The following VPS50 variants were observed in gnomAD, a reference collection of about 807,000 sequenced individuals.
VPS50 encodes syndetin.
VPS50 carries 70 observed loss-of-function variants against 139.7 expected under a neutral mutation model. The ratio of observed to expected loss-of-function variants is 0.50; its 90% CI spans 0.41 to 0.61. The LOEUF is 0.61. Ranked by LOEUF, VPS50 falls within the 20% of genes least tolerant of loss-of-function variation. The pLI is 0.00. For synonymous variants in VPS50, 365 were observed against 376.7 expected, an observed-to-expected ratio of 0.97 and a Z score of 0.36; for missense variants, 921 against 1,133.7, an observed-to-expected ratio of 0.81 and a Z score of 2.69.
At position 93,258,124 on chromosome 7, in the gene VPS50, AAAAACTTTT is replaced by A. The variant is rs1391046220; in HGVS notation, c.423-32_423-24del. 3.5e-6 allele frequency: 3 copies of A among 853,336 alleles called. No individual in the cohort carries two copies. In the African/African-American group the frequency reaches 5.2e-5, roughly 15 times the overall value. The allele number at this position is 853,336 out of a possible 1,614,324, so 52.9% of individuals were successfully genotyped here. A position where few individuals can be genotyped will look rare whatever the true frequency, so the allele number is the denominator to read the frequency against. On this transcript the variant is annotated intron_variant, in intron 6 of 27. Coordinates refer to ENST00000305866, the MANE Select transcript of VPS50 (RefSeq NM_017667.4). ...TGTGGATAGTATTCTTATTATAATA[AAAAACTTTT>A]AACTATTTATTGTTCACTTTTGCAG...
chr7:93,252,566 A>C, intron 2 of VPS50, 87 bp from the exon 3 acceptor site: 1 of 890,146 alleles, frequency 1.1e-6, no homozygotes, highest in Non-Finnish European at 1.8e-6. Context: ...GGTAGATGTG[A>C]CTGTTAAGAC....
rs979426799 is a variant in VPS50, at chr7:93,338,810, G to A, written c.2059-2617G>A. ...ATCAGTATTGTAGAAAAATCAATCA[G>A]TTAACTGTGTGGAAACTGGCATAGA... On this transcript the variant is annotated intron_variant, in intron 22 of 27. Transcript: ENST00000305866. 5.3e-5 allele frequency among the ~76,000 whole-genome samples: 8 copies of A among 152,186 alleles called. No homozygotes were observed. The East Asian group carries it at 1.5e-3, about 29-fold the overall frequency.
chr7:93,291,751 G>C lies in VPS50; in HGVS notation c.991G>C (p.Ala331Pro). 6.2e-7 allele frequency: 1 copy of C among 1,601,556 alleles called. No homozygotes were observed. Among genetic ancestry groups the C allele is most frequent in the Non-Finnish European group, 8.5e-7 (1 of 1,170,256 alleles). ...YIPCLADLCK[A>P]LWEVMLSYYR... is the part of the protein sequence containing the mutation. The stretch of plus-strand genomic sequence containing the variant: ...TCCATGCCTTGCAGACCTGTGCAAA[G>C]CACTATGGGAAGTTATGCTCAGCTA... The change falls in exon 13 of 28, where the codon GCA becomes CCA. Residue 331 changes from alanine (A) to proline (P), a missense_variant. Around this residue, in one of 3 missense-constraint regions of VPS50, gnomAD observed 744 missense variants for 930.6 expected, o/e 0.80. Transcript: ENST00000305866.
intron 1 of VPS50, among the ~76,000 whole-genome samples, chr7:93,233,069 A>G (rs1794685542): frequency 1.3e-5 from 2 of 152,212 alleles, no homozygotes; most frequent in Admixed American, 1.3e-4. Context: ...CTCTTTGTGA[A>G]ATTCTGCTTT....
In VPS50 at chr7:93,281,930, C is replaced by T. The variant is rs111991812; in HGVS notation, c.942+5625C>T. Among the ~76,000 whole-genome samples, 730 of 152,224 alleles carry T rather than the reference C, an allele frequency of 4.8e-3. 9 individuals carry two copies. The highest frequency in any genetic ancestry group is 0.017 in the African/African-American group (692 of 41,542). On this transcript the variant is annotated intron_variant, in intron 12 of 27. Coordinates refer to ENST00000305866, the MANE Select transcript of VPS50 (RefSeq NM_017667.4). Reference sequence around the variant, plus strand: ...ATTATAAACAATTTTTCCGGCTGGGCGCGGTGGCTCACGCCTGTAATCCCA... The same window carrying T: ...ATTATAAACAATTTTTCCGGCTGGGTGCGGTGGCTCACGCCTGTAATCCCA...
chr7:93,341,557 T>C lies in VPS50; in HGVS notation c.2189T>C (p.Val730Ala), dbSNP rs1311889682. The change falls in exon 23 of 28, where the codon GTG becomes GCG. Residue 730 changes from valine (V) to alanine (A), a missense_variant. Coordinates refer to ENST00000305866, the MANE Select transcript of VPS50 (RefSeq NM_017667.4). Reference sequence around the variant, plus strand: ...ACGCTGTATGGGTTGGCAGAAAGAGTGGTAGCCACGGAATCCTTGTAAGTT... The same window carrying C: ...ACGCTGTATGGGTTGGCAGAAAGAGCGGTAGCCACGGAATCCTTGTAAGTT... ...GDTLYGLAER[V>A]VATESLVFLA... 1 of 1,607,480 alleles carries C rather than the reference T, an allele frequency of 6.2e-7. No individual in the cohort carries two copies. Among genetic ancestry groups the C allele is most frequent in the East Asian group, 2.2e-5 (1 of 44,634 alleles).
At chr7:93,309,010 T>C in intron 19 of VPS50, 68 bp downstream of exon 19, 1 of 787,556 alleles carries the variant, frequency 1.3e-6, no homozygotes, top group Non-Finnish European at 2.1e-6. Context: ...GGATTTCCTT[T>C]AAGGTTAAGA....
intron 21 of VPS50, among the ~76,000 whole-genome samples, chr7:93,326,899 A>AT (rs1797797937): frequency 6.6e-6 from 1 of 152,166 alleles, no homozygotes; most frequent in Non-Finnish European, 1.5e-5. Context: ...TAGGACCTGA[A>AT]TTTCCTGGGT....
rs554590997 is a variant in VPS50 at position 93,276,335 on chromosome 7, A to T, written c.942+30A>T. ...GTAGTGACTTAATTACTATTCATATATCTCTCCTTTAGATTTTAAATTTAT... is the reference window on the plus strand; with the variant it reads ...GTAGTGACTTAATTACTATTCATATTTCTCTCCTTTAGATTTTAAATTTAT... On this transcript the variant is annotated intron_variant, in intron 12 of 27. Transcript: ENST00000305866. The T allele has an allele frequency of 8.9e-6, 14 of 1,577,796 alleles. No homozygotes were observed. In the African/African-American group the frequency reaches 1.5e-4, roughly 17 times the overall value.
At chr7:93,284,169 GAA>G (rs202210225) in intron 12 of VPS50, among the ~76,000 whole-genome samples, 4 of 152,070 alleles carry the variant, frequency 2.6e-5, no homozygotes, top group Non-Finnish European at 5.9e-5. Flanking sequence ...CCAGCAGAAA[GAA>G]AAAATAATTT....
chr7:93,323,789 T>G, intron 21 of VPS50, 57 bp downstream of exon 21: 1 of 894,572 alleles, frequency 1.1e-6, no homozygotes. Flanking sequence ...TTTATAAATG[T>G]CAAAGTTTTT....
chr7:93,294,520 A>T (rs1796745364), intron 13 of VPS50, 25 bp from the exon 14 acceptor site: 7 of 1,492,776 alleles, frequency 4.7e-6, no homozygotes, highest in Non-Finnish European at 6.3e-6. Flanking sequence ...TAAATCTAAA[A>T]ATATATATTG....
At chr7:93,275,244 G>A (rs1469251599) in intron 11 of VPS50, among the ~76,000 whole-genome samples, 1 of 152,176 alleles carries the variant, frequency 6.6e-6, no homozygotes, top group Non-Finnish European at 1.5e-5. Flanking sequence ...AGTTGATAAA[G>A]CAGCAGCAGG....
At chr7:93,239,620 A>C (rs1035441206) in intron 1 of VPS50, among the ~76,000 whole-genome samples, 1 of 152,142 alleles carries the variant, frequency 6.6e-6, no homozygotes, top group Admixed American at 6.6e-5. Flanking sequence ...TTGGACTTCT[A>C]CCATTAGTTG....
At position 93,355,922 on chromosome 7, in the gene VPS50, G is replaced by A. The variant is rs775498015; in HGVS notation, c.2617G>A (p.Gly873Ser). Residue 873 changes from glycine (G) to serine (S), a missense_variant, in exon 27 of 28, where the codon GGT becomes AGT. Coordinates refer to ENST00000305866, the MANE Select transcript of VPS50 (RefSeq NM_017667.4). ...CAATGTCAAGAAATGCAGTAATGAGGGTCGTGCCCTGATGCAATTGGATTT... is the reference window on the plus strand; with the variant it reads ...CAATGTCAAGAAATGCAGTAATGAGAGTCGTGCCCTGATGCAATTGGATTT... ...YANVKKCSNE[G>S]RALMQLDFQQ... 1.9e-6 allele frequency: 3 copies of A among 1,595,962 alleles called. No individual in the cohort carries two copies. The highest frequency in any genetic ancestry group is 2.6e-6 in the Non-Finnish European group (3 of 1,167,426).
chr7:93,304,648 C>CTG (rs202179035), intron 17 of VPS50, among the ~76,000 whole-genome samples: 1 of 151,630 alleles, frequency 6.6e-6, no homozygotes, highest in Non-Finnish European at 1.5e-5. Context: ...AACCATCAGA[C>CTG]TGTGTGTGTG....
rs761031486 is a variant in VPS50, at chr7:93,239,861, T to C, written c.34-5T>C. The C allele has an allele frequency of 1.3e-5, 21 of 1,570,610 alleles. No homozygotes were observed. Among genetic ancestry groups the C allele is most frequent in the Non-Finnish European group, 1.8e-5 (21 of 1,141,664 alleles). On this transcript the variant is annotated splice_polypyrimidine_tract_variant and splice_region_variant and intron_variant, in intron 1 of 27. Coordinates refer to ENST00000305866, the MANE Select transcript of VPS50 (RefSeq NM_017667.4). ...AAATTTTCCTCATCTTATTATTTTTTTAAGGGTCTGAAAAGCCCTCAAGAA... is the reference window on the plus strand; with the variant it reads ...AAATTTTCCTCATCTTATTATTTTTCTAAGGGTCTGAAAAGCCCTCAAGAA...
At chr7:93,350,161 C>T (rs1397355684) in intron 25 of VPS50, 128 bp downstream of exon 25, 1 of 555,808 alleles carries the variant, frequency 1.8e-6, no homozygotes, top group Non-Finnish European at 3.0e-6. Flanking sequence ...TATTAAAGCC[C>T]CTGAATTGAA....
At chr7:93,258,110 T>C (rs759403555) in intron 6 of VPS50, 49 bp from the exon 7 acceptor site, 1 of 763,556 alleles carries the variant, frequency 1.3e-6, no homozygotes, top group Non-Finnish European at 2.3e-6. Flanking sequence ...GTGGATAGTA[T>C]TCTTATTATA....
Sources: allele counts gnomAD v4.1 joint callset (sites outside exome capture counted in the v4.1 genomes callset), GRCh38; gene constraint gnomAD v4.1.1; regional missense constraint gnomAD v4.1.1; transcripts MANE v1.5; gene names NCBI Gene and HGNC (gene_info 2026-07-23, HGNC 2026-07-21).